GRXCR1: variants seen among roughly 807,000 people sequenced by gnomAD.
The protein encoded by GRXCR1 is glutaredoxin domain-containing cysteine-rich protein 1.
A neutral mutation model predicts 27.3 loss-of-function variants in GRXCR1; 27 were observed. The ratio of observed to expected loss-of-function variants is 0.99; its 90% CI spans 0.73 to 1.37. The LOEUF (loss-of-function observed/expected upper bound fraction) is 1.37, where lower values mean the gene tolerates loss of function less well. Among genes scored for constraint, GRXCR1 ranks in the 40% most tolerant of loss-of-function variants. GRXCR1 has a pLI of 0.00. For missense variants in GRXCR1, 379 were observed against 354.4 expected (o/e 1.07, Z -0.56); for synonymous variants, 122 against 131.1 (o/e 0.93, Z 0.47).
At chr4:42,999,339 G>T (rs1233215723) in intron 2 of GRXCR1, among the ~76,000 whole-genome samples, 1 of 152,178 alleles carries the variant, frequency 6.6e-6, no homozygotes, top group East Asian at 1.9e-4. Flanking sequence ...GGAGGGTCTT[G>T]CTTTGTACTA....
chr4:42,904,952 C>T lies in GRXCR1; in HGVS notation c.384+11302C>T, dbSNP rs1746552519. Among the ~76,000 whole-genome samples the T allele has an allele frequency of 2.0e-5, 3 of 152,154 alleles. 1 individual carries two copies. Among genetic ancestry groups the T allele is most frequent in the South Asian group, 4.1e-4 (2 of 4,822 alleles). On this transcript the variant is annotated intron_variant, in intron 1 of 3. Transcript: ENST00000399770. ...TAGAGATTCTGTTCCTCTCAGATAACATTTTTAAAATTAAGGCTGTGTGGG... is the reference window on the plus strand; with the variant it reads ...TAGAGATTCTGTTCCTCTCAGATAATATTTTTAAAATTAAGGCTGTGTGGG...
At chr4:42,923,051 A>G (rs550148233) in intron 1 of GRXCR1, among the ~76,000 whole-genome samples, 102 of 152,216 alleles carry the variant, frequency 6.7e-4, no homozygotes, top group African/African-American at 2.3e-3. Flanking sequence ...CCAACCTGAC[A>G]TTAGTCTGCT....
intron 2 of GRXCR1, among the ~76,000 whole-genome samples, chr4:42,988,215 G>T (rs1045297443): frequency 6.6e-6 from 1 of 152,078 alleles, no homozygotes; most frequent in African/African-American, 2.4e-5. Context: ...ATTGTGTTTT[G>T]TCCCTGGAGA....
At chr4:42,971,785 A>G (rs1256825952) in intron 2 of GRXCR1, among the ~76,000 whole-genome samples, 2 of 151,842 alleles carry the variant, frequency 1.3e-5, no homozygotes, top group Non-Finnish European at 2.9e-5. Flanking sequence ...TCCAAATCTC[A>G]TGTCTCAAAA....
At chr4:42,981,372 A>C (rs1369758137) in intron 2 of GRXCR1, among the ~76,000 whole-genome samples, 1 of 152,054 alleles carries the variant, frequency 6.6e-6, no homozygotes, top group Non-Finnish European at 1.5e-5. Context: ...TTGATGTTTC[A>C]GTTTGTCTTT....
intron 2 of GRXCR1, among the ~76,000 whole-genome samples, chr4:43,017,525 A>G (rs1446155134): frequency 1.3e-5 from 2 of 152,206 alleles, no homozygotes; most frequent in Non-Finnish European, 2.9e-5. Flanking sequence ...ACCAATGCTT[A>G]GAAGAGTTCA....
intron 2 of GRXCR1, among the ~76,000 whole-genome samples, chr4:43,010,160 G>A (rs570761695): frequency 2.1e-3 from 323 of 152,238 alleles, no homozygotes; most frequent in Non-Finnish European, 3.9e-3. Flanking sequence ...CCAGCACTTT[G>A]GGAGGCCAAG....
chr4:42,942,146 A>G (rs1157154427), intron 1 of GRXCR1, among the ~76,000 whole-genome samples: 1 of 152,062 alleles, frequency 6.6e-6, no homozygotes, highest in Non-Finnish European at 1.5e-5. Context: ...CATGGTAACA[A>G]CAATGAAATT....
At chr4:42,963,894 G>A (rs1468662262) in intron 2 of GRXCR1, among the ~76,000 whole-genome samples, 2 of 151,928 alleles carry the variant, frequency 1.3e-5, no homozygotes, top group East Asian at 3.9e-4. Context: ...AGAGACCGTC[G>A]AACCACAGAT....
intron 1 of GRXCR1, among the ~76,000 whole-genome samples, chr4:42,941,749 A>G (rs1451504719): frequency 7.0e-6 from 1 of 143,394 alleles, no homozygotes; most frequent in Non-Finnish European, 1.6e-5. Flanking sequence ...GCTTCTCTTT[A>G]AAGGTAATAA....
chr4:42,931,694 T>C (rs766987531), intron 1 of GRXCR1, among the ~76,000 whole-genome samples: 4 of 151,982 alleles, frequency 2.6e-5, no homozygotes, highest in Non-Finnish European at 5.9e-5. Context: ...CATTAAGATA[T>C]GTACTCCCTC....
At chr4:42,945,413 A>G (rs1311799739) in intron 1 of GRXCR1, among the ~76,000 whole-genome samples, 1 of 152,144 alleles carries the variant, frequency 6.6e-6, no homozygotes, top group Admixed American at 6.6e-5. Flanking sequence ...AAGTGGAAAC[A>G]CTGCCAAGAC....
intron 1 of GRXCR1, among the ~76,000 whole-genome samples, chr4:42,929,306 C>T (rs1021218449): frequency 1.3e-5 from 2 of 152,010 alleles, no homozygotes; most frequent in Non-Finnish European, 2.9e-5. Context: ...TGTCCCCACA[C>T]AGGAGGTTTG....
intron 1 of GRXCR1, among the ~76,000 whole-genome samples, chr4:42,919,003 A>C (rs544115715): frequency 6.6e-6 from 1 of 152,122 alleles, no homozygotes; most frequent in South Asian, 2.1e-4. Context: ...AATCAGAATA[A>C]CCTCTTCTTC....
At chr4:42,940,390 C>T (rs755398017) in intron 1 of GRXCR1, among the ~76,000 whole-genome samples, 31 of 152,050 alleles carry the variant, frequency 2.0e-4, no homozygotes, top group Non-Finnish European at 3.7e-4. Flanking sequence ...GTCCTGCAAC[C>T]TTAGTTCTTT....
intron 2 of GRXCR1, among the ~76,000 whole-genome samples, chr4:42,967,504 T>C (rs1355435952): frequency 6.6e-6 from 1 of 152,138 alleles, no homozygotes; most frequent in African/African-American, 2.4e-5. Context: ...ATTTGTCTTT[T>C]TGAGTATATA....
At position 42,948,318 on chromosome 4, in the gene GRXCR1, G is replaced by A. The variant is rs112543172; in HGVS notation, c.385-14574G>A. On this transcript the variant is annotated intron_variant, in intron 1 of 3. Transcript: ENST00000399770. The stretch of plus-strand genomic sequence containing the variant: ...AGTAGAAAAGATAGATAAAGAACAG[G>A]CAAATTATCTCCCCTTCTTTAATGC... Among the ~76,000 whole-genome samples, 1,111 of 151,714 alleles carry A rather than the reference G, an allele frequency of 7.3e-3. 17 individuals carry two copies. The highest frequency in any genetic ancestry group is 0.026 in the African/African-American group (1,062 of 41,346).
At chr4:42,979,144 T>A (rs1459019468) in intron 2 of GRXCR1, among the ~76,000 whole-genome samples, 1 of 152,028 alleles carries the variant, frequency 6.6e-6, no homozygotes, top group Non-Finnish European at 1.5e-5. Flanking sequence ...ATTTAACTTC[T>A]TCCTTTCTGA....
chr4:42,974,086 C>G (rs1317379047), intron 2 of GRXCR1, among the ~76,000 whole-genome samples: 2 of 152,074 alleles, frequency 1.3e-5, no homozygotes, highest in Non-Finnish European at 2.9e-5. Context: ...GCAGGGTTTG[C>G]AGCAGAGAAA....
Sources: allele counts gnomAD v4.1 joint callset (sites outside exome capture counted in the v4.1 genomes callset), GRCh38; gene constraint gnomAD v4.1.1; transcripts MANE v1.5; gene names NCBI Gene and HGNC (gene_info 2026-07-23, HGNC 2026-07-21).